UGT1A6: variants seen among roughly 807,000 people sequenced by gnomAD.
UGT1A6 encodes UDP glucuronosyltransferase family 1 member A6, also known as UDP-glucuronosyltransferase 1A6.
UGT1A6 carries 32 observed loss-of-function variants against 44.4 expected under a neutral mutation model. That is an observed-to-expected ratio of 0.72 (90% CI 0.54 to 0.97). The LOEUF (loss-of-function observed/expected upper bound fraction) is 0.97. Among genes scored for constraint, UGT1A6 ranks in the 50% least tolerant of loss-of-function variants. The pLI, the probability that UGT1A6 is intolerant of heterozygous loss-of-function variation, is 0.00. For missense variants in UGT1A6, 685 were observed against 661.9 expected, an observed-to-expected ratio of 1.03 and a Z score of -0.38; for synonymous variants, 238 against 248.5, an observed-to-expected ratio of 0.96 and a Z score of 0.40.
Position 233,729,793 on chromosome 2 carries a change from A to C in UGT1A6, c.861+35928A>C, listed in dbSNP as rs145403444. 3.6e-5 allele frequency: 58 copies of C among 1,613,368 alleles called. No homozygotes were observed. The African/African-American group carries it at 3.9e-4, about 11-fold the overall frequency. ...GCTCTACCCTCTGGCCCTGTCCTAC[A>C]TTTGCCATGCTTTTTCTGCTCCTTA... On this transcript the variant is annotated intron_variant, in intron 1 of 4. Transcript: ENST00000305139.
chr2:233,761,361 C>A (rs1202698678), intron 1 of UGT1A6, among the ~76,000 whole-genome samples: 1 of 152,198 alleles, frequency 6.6e-6, no homozygotes, highest in Non-Finnish European at 1.5e-5. Context: ...GGAAAGCATT[C>A]CTTGGACATT....
At chr2:233,764,552 G>A (rs1387908555) in intron 1 of UGT1A6, among the ~76,000 whole-genome samples, 1 of 152,132 alleles carries the variant, frequency 6.6e-6, no homozygotes, top group East Asian at 1.9e-4. Flanking sequence ...CGTGTGGGAG[G>A]GTGTGCCTGG....
chr2:233,725,125 G>A (rs1256400023), intron 1 of UGT1A6, among the ~76,000 whole-genome samples: 1 of 138,156 alleles, frequency 7.2e-6, no homozygotes, highest in Non-Finnish European at 1.5e-5. Context: ...GCAGTGAGCC[G>A]AGATGGCAGC....
At chr2:233,733,555 G>A (rs1474248933) in intron 1 of UGT1A6, among the ~76,000 whole-genome samples, 2 of 152,168 alleles carry the variant, frequency 1.3e-5, no homozygotes, top group East Asian at 1.9e-4. Context: ...TTCTGCATCT[G>A]TTGAAATAAT....
chr2:233,706,265 C>T (rs529383479), intron 1 of UGT1A6, among the ~76,000 whole-genome samples: 1 of 152,244 alleles, frequency 6.6e-6, no homozygotes, highest in Non-Finnish European at 1.5e-5. Flanking sequence ...AGCTGGATTG[C>T]CCAACCTCAG....
chr2:233,755,221 C>G, intron 1 of UGT1A6: 1 of 995,834 alleles, frequency 1.0e-6, no homozygotes. Flanking sequence ...TTGATACCCT[C>G]GGACGAGGCC....
chr2:233,762,151 A>G (rs1420565083), intron 1 of UGT1A6, among the ~76,000 whole-genome samples: 1 of 152,124 alleles, frequency 6.6e-6, no homozygotes, highest in Non-Finnish European at 1.5e-5. Context: ...CTTTGCATTA[A>G]TCACATCCAC....
intron 1 of UGT1A6, chr2:233,713,616 C>A (rs749122240): frequency 7.4e-6 from 12 of 1,613,980 alleles, no homozygotes; most frequent in Middle Eastern, 3.3e-4. Context: ...GACATTCCTG[C>A]AAAGGGTCAA....
At chr2:233,759,465 A>T (rs1383052277) in intron 1 of UGT1A6, among the ~76,000 whole-genome samples, 2 of 152,106 alleles carry the variant, frequency 1.3e-5, no homozygotes, top group Non-Finnish European at 2.9e-5. Flanking sequence ...GCCACTCAAG[A>T]TCTATCTTAC....
intron 1 of UGT1A6, among the ~76,000 whole-genome samples, chr2:233,741,312 A>G (rs536876139): frequency 2.0e-5 from 3 of 151,548 alleles, no homozygotes; most frequent in African/African-American, 4.9e-5. Context: ...ATACACACCA[A>G]CTCATTCTAC....
chr2:233,736,629 C>G (rs558858921), intron 1 of UGT1A6, among the ~76,000 whole-genome samples: 2 of 152,326 alleles, frequency 1.3e-5, no homozygotes, highest in South Asian at 2.1e-4. Flanking sequence ...CTTTTCTGCT[C>G]TAGTTTCCCC....
intron 1 of UGT1A6, chr2:233,729,233 T>C (rs746735102): frequency 5.5e-5 from 88 of 1,614,154 alleles, no homozygotes; most frequent in South Asian, 6.6e-5. Context: ...GTGGTGCCCA[T>C]TGATGGCAGC....
chr2:233,710,329 A>C (rs1202722431), intron 1 of UGT1A6, among the ~76,000 whole-genome samples: 1 of 152,250 alleles, frequency 6.6e-6, no homozygotes, highest in Non-Finnish European at 1.5e-5. Flanking sequence ...TGACTTCATA[A>C]GAAACAGTCG....
In UGT1A6 at chr2:233,760,344, G is replaced by A. The variant is rs897355036; in HGVS notation, c.862-6690G>A. The stretch of plus-strand genomic sequence containing the variant: ...TTGTCCTGGGCCTGCTGCTGTGTGT[G>A]CTGGGCCCAGTGGTGTCCCATGCTG... On this transcript the variant is annotated intron_variant, in intron 1 of 4. Transcript: ENST00000305139. 5.6e-6 allele frequency: 9 copies of A among 1,613,914 alleles called. No homozygotes were observed. The Admixed American group carries it at 1.3e-4, about 24-fold the overall frequency.
At chr2:233,755,114 G>A (rs761865052) in intron 1 of UGT1A6, 3 of 1,331,932 alleles carry the variant, frequency 2.3e-6, no homozygotes, top group South Asian at 2.3e-5. Context: ...ACACCTCGTA[G>A]GCCTCAGCCA....
intron 1 of UGT1A6, among the ~76,000 whole-genome samples, chr2:233,751,216 T>G (rs569696168): frequency 6.6e-6 from 1 of 152,100 alleles, no homozygotes; most frequent in East Asian, 1.9e-4. Flanking sequence ...CTTTAAGATT[T>G]AATGACTGCC....
intron 1 of UGT1A6, among the ~76,000 whole-genome samples, chr2:233,737,541 G>A (rs576280713): frequency 6.6e-6 from 1 of 152,104 alleles, no homozygotes; most frequent in African/African-American, 2.4e-5. Flanking sequence ...GCCCTGCTTC[G>A]GCTTGCCCTC....
chr2:233,730,990 C>T (rs2078094709), intron 1 of UGT1A6, among the ~76,000 whole-genome samples: 1 of 152,140 alleles, frequency 6.6e-6, no homozygotes, highest in Non-Finnish European at 1.5e-5. Context: ...TTTCTTATTC[C>T]TTGCTGTGCC....
At chr2:233,770,357 A>G (rs1700064442) in intron 4 of UGT1A6, 1 of 152,214 alleles carries the variant, frequency 6.6e-6, no homozygotes, top group Admixed American at 6.5e-5. Flanking sequence ...TATTGAATGA[A>G]TGAATGAAAG....
Sources: allele counts gnomAD v4.1 joint callset (sites outside exome capture counted in the v4.1 genomes callset), GRCh38; gene constraint gnomAD v4.1.1; transcripts MANE v1.5; gene names NCBI Gene and HGNC (gene_info 2026-07-23, HGNC 2026-07-21).